Variants in MTUS2 observed in about 807,000 individuals in gnomAD.
MTUS2 encodes microtubule-associated tumor suppressor candidate 2.
A neutral mutation model predicts 114.1 loss-of-function variants in MTUS2; 40 were observed. The observed-to-expected ratio is 0.35, with a 90% CI of 0.27 to 0.46. The LOEUF is 0.46. MTUS2 is among the 20% of genes least tolerant of loss of function. MTUS2 has a pLI of 1.00. For synonymous variants in MTUS2, 688 were observed against 672.0 expected (o/e 1.02, Z -0.37); for missense variants, 1,679 against 1,705.4 (o/e 0.98, Z 0.27).
At chr13:28,902,153 A>T (rs931317771) in intron 2 of MTUS2, among the ~76,000 whole-genome samples, 18 of 152,198 alleles carry the variant, frequency 1.2e-4, no homozygotes, top group Admixed American at 1.1e-3. Flanking sequence ...ATATAGAGAC[A>T]TGATTGATAT....
intron 1 of MTUS2, among the ~76,000 whole-genome samples, chr13:28,830,153 A>T (rs997364236): frequency 1.3e-5 from 2 of 152,210 alleles, no homozygotes; most frequent in Non-Finnish European, 2.9e-5. Flanking sequence ...AATAGAAACA[A>T]TAGTAGCAAC....
chr13:29,213,956 A>G (rs1279224161), intron 5 of MTUS2, among the ~76,000 whole-genome samples: 2 of 149,048 alleles, frequency 1.3e-5, no homozygotes, highest in Non-Finnish European at 3.0e-5. Context: ...TTGTTCATGT[A>G]TTAGCTATCT....
At chr13:29,034,877 G>T (rs913347739) in intron 4 of MTUS2, among the ~76,000 whole-genome samples, 1 of 152,186 alleles carries the variant, frequency 6.6e-6, no homozygotes, top group African/African-American at 2.4e-5. Flanking sequence ...TAAATTTGAT[G>T]TGAACTTGAA....
intron 2 of MTUS2, among the ~76,000 whole-genome samples, chr13:28,995,777 C>T (rs1308793616): frequency 6.6e-6 from 1 of 152,164 alleles, no homozygotes; most frequent in Non-Finnish European, 1.5e-5. Context: ...AGTTGCCTAT[C>T]AGCTTAAGGA....
chr13:29,250,736 G>A (rs1031822001), intron 5 of MTUS2, among the ~76,000 whole-genome samples: 1 of 152,094 alleles, frequency 6.6e-6, no homozygotes, highest in African/African-American at 2.4e-5. Flanking sequence ...GTCACATCTA[G>A]TCTCTCAGGA....
intron 5 of MTUS2, among the ~76,000 whole-genome samples, chr13:29,201,235 G>C (rs957183923): frequency 1.6e-4 from 24 of 152,162 alleles, no homozygotes; most frequent in African/African-American, 5.8e-4. Flanking sequence ...AGCTCTTCTT[G>C]TTGCATTGAT....
intron 5 of MTUS2, among the ~76,000 whole-genome samples, chr13:29,142,481 A>C (rs542244488): frequency 6.6e-6 from 1 of 152,282 alleles, no homozygotes; most frequent in South Asian, 2.1e-4. Flanking sequence ...AGGCGGGTGG[A>C]TCACCTGAGG....
At chr13:29,308,672 C>G (rs1365956546) in intron 6 of MTUS2, among the ~76,000 whole-genome samples, 1 of 152,144 alleles carries the variant, frequency 6.6e-6, no homozygotes. Context: ...GGTCTAATAT[C>G]CAGAGTCTAC....
intron 5 of MTUS2, among the ~76,000 whole-genome samples, chr13:29,220,786 A>G (rs1895876393): frequency 6.6e-6 from 1 of 152,214 alleles, no homozygotes; most frequent in African/African-American, 2.4e-5. Flanking sequence ...GAAACAAAGA[A>G]TGAACATGTG....
rs146487598 is a variant in MTUS2 at position 29,027,307 on chromosome 13, A to G, written c.2205+404A>G. ...TCAGACTCATTCCTCAATGGGGAGT[A>G]TTTTCTACCTGGGAGTATCTCTTAT... On this transcript the variant is annotated intron_variant, in intron 3 of 15. Coordinates refer to ENST00000612955, the MANE Select transcript of MTUS2 (RefSeq NM_001033602.4). Among the ~76,000 whole-genome samples, 1,136 of 152,318 alleles carry G rather than the reference A, an allele frequency of 7.5e-3. 8 individuals carry two copies. Among genetic ancestry groups the G allele is most frequent in the African/African-American group, 0.025 (1,052 of 41,564 alleles).
At chr13:29,150,080 G>A (rs1159470276) in intron 5 of MTUS2, among the ~76,000 whole-genome samples, 2 of 152,100 alleles carry the variant, frequency 1.3e-5, no homozygotes, top group Non-Finnish European at 2.9e-5. Flanking sequence ...AATGAAAAAA[G>A]CATTGAATCT....
At chr13:28,891,098 T>G (rs1392912023) in intron 2 of MTUS2, among the ~76,000 whole-genome samples, 5 of 152,208 alleles carry the variant, frequency 3.3e-5, no homozygotes, top group Admixed American at 1.3e-4. Context: ...GTCAGCCCTT[T>G]GCAGGGAACG....
intron 4 of MTUS2, 68 bp from the exon 5 acceptor site, chr13:29,100,705 A>G (rs1282423726): frequency 1.5e-5 from 22 of 1,506,912 alleles, no homozygotes; most frequent in African/African-American, 4.2e-5. Context: ...CGAATTCATA[A>G]TCTGTAGAAT....
chr13:29,443,554 C>T (rs1241638057), intron 9 of MTUS2, among the ~76,000 whole-genome samples: 2 of 152,246 alleles, frequency 1.3e-5, no homozygotes, highest in Admixed American at 1.3e-4. Flanking sequence ...AGCACCACCG[C>T]CTGGTTCCTT....
At chr13:28,851,195 G>C (rs1291705753) in intron 2 of MTUS2, among the ~76,000 whole-genome samples, 1 of 152,204 alleles carries the variant, frequency 6.6e-6, no homozygotes. Context: ...GTAGAGATAA[G>C]TGATAAAAAT....
chr13:29,439,915 TAATC>T (rs1198388281), intron 8 of MTUS2, 64 bp from the exon 9 acceptor site: 1 of 1,165,830 alleles, frequency 8.6e-7, no homozygotes, highest in Admixed American at 2.0e-5. Flanking sequence ...ATTCATTAAT[TAATC>T]ATGTGAAAGT....
intron 5 of MTUS2, among the ~76,000 whole-genome samples, chr13:29,151,423 T>C (rs1566034706): frequency 6.6e-6 from 1 of 152,236 alleles, no homozygotes; most frequent in Non-Finnish European, 1.5e-5. Flanking sequence ...TGTTTATCAG[T>C]TGTAGGAGCC....
At chr13:29,164,764 C>A (rs1468822008) in intron 5 of MTUS2, among the ~76,000 whole-genome samples, 1 of 152,004 alleles carries the variant, frequency 6.6e-6, no homozygotes, top group East Asian at 1.9e-4. Flanking sequence ...TATGTATTAG[C>A]CATATAAAGT....
intron 4 of MTUS2, among the ~76,000 whole-genome samples, chr13:29,098,183 G>T (rs944327079): frequency 1.3e-5 from 2 of 152,232 alleles, no homozygotes; most frequent in Admixed American, 1.3e-4. Flanking sequence ...GGCTAAATTT[G>T]TGTGGTACAA....
Sources: allele counts gnomAD v4.1 joint callset (sites outside exome capture counted in the v4.1 genomes callset), GRCh38; gene constraint gnomAD v4.1.1; transcripts MANE v1.5; gene names NCBI Gene and HGNC (gene_info 2026-07-23, HGNC 2026-07-21).